The following PRKAR2B variants were observed in gnomAD, a reference collection of about 807,000 sequenced individuals.
PRKAR2B encodes cAMP-dependent protein kinase type II-beta regulatory subunit.
In PRKAR2B, 14 loss-of-function variants were observed where a neutral mutation model predicts 49.9. The observed-to-expected ratio is 0.28, with a 90% CI of 0.19 to 0.44. The LOEUF is 0.44. Ranked by LOEUF, PRKAR2B falls within the 20% of genes least tolerant of loss-of-function variation. PRKAR2B has a pLI of 1.00. For missense variants in PRKAR2B, 393 were observed against 537.9 expected, an observed-to-expected ratio of 0.73 and a Z score of 2.67; for synonymous variants, 196 against 197.7, an observed-to-expected ratio of 0.99 and a Z score of 0.07.
intron 2 of PRKAR2B, among the ~76,000 whole-genome samples, chr7:107,110,493 A>G (rs1562860236): frequency 1.3e-5 from 2 of 151,710 alleles, no homozygotes; most frequent in African/African-American, 4.8e-5. Context: ...TTGCAGCTCC[A>G]ATTGAGACCC....
At chr7:107,075,635 A>G (rs966735099) in intron 2 of PRKAR2B, among the ~76,000 whole-genome samples, 1 of 152,012 alleles carries the variant, frequency 6.6e-6, no homozygotes, top group East Asian at 1.9e-4. Flanking sequence ...CTCGAGCTCT[A>G]GGGATCCACC....
intron 2 of PRKAR2B, among the ~76,000 whole-genome samples, chr7:107,085,660 A>T (rs951014528): frequency 1.3e-5 from 2 of 152,138 alleles, no homozygotes; most frequent in Non-Finnish European, 2.9e-5. Context: ...GTTGAAATTA[A>T]ACTTATATCC....
chr7:107,110,092 C>T (rs1444176517), intron 2 of PRKAR2B, among the ~76,000 whole-genome samples: 1 of 152,184 alleles, frequency 6.6e-6, no homozygotes, highest in African/African-American at 2.4e-5. Context: ...GAGAGATAAT[C>T]CATGTGCTTG....
intron 2 of PRKAR2B, chr7:107,079,349 A>G (rs1373073169): frequency 2.6e-5 from 4 of 152,148 alleles, no homozygotes; most frequent in African/African-American, 9.7e-5. Context: ...GGCTTAGGTG[A>G]TACAACCGTG....
At chr7:107,054,415 T>C (rs149668457) in intron 1 of PRKAR2B, among the ~76,000 whole-genome samples, 28 of 152,296 alleles carry the variant, frequency 1.8e-4, no homozygotes, top group Non-Finnish European at 3.1e-4. Context: ...TAAATTGATA[T>C]AGCCAAATAT....
chr7:107,081,121 C>T (rs1794506819), intron 2 of PRKAR2B, among the ~76,000 whole-genome samples: 1 of 152,126 alleles, frequency 6.6e-6, no homozygotes. Flanking sequence ...TAACTTATCC[C>T]ACCTAATATT....
chr7:107,148,511 A>G (rs888770047), intron 6 of PRKAR2B, among the ~76,000 whole-genome samples: 29 of 152,224 alleles, frequency 1.9e-4, no homozygotes, highest in Non-Finnish European at 3.5e-4. Context: ...ATTAAATTTT[A>G]TAAAAATGGG....
At chr7:107,136,689 A>T (rs1251935398) in intron 4 of PRKAR2B, among the ~76,000 whole-genome samples, 1 of 152,192 alleles carries the variant, frequency 6.6e-6, no homozygotes, top group Non-Finnish European at 1.5e-5. Flanking sequence ...TGGTTCAACA[A>T]CTCATTGCTG....
Position 107,150,909 on chromosome 7 carries a change from G to C in PRKAR2B, c.742-13G>C, listed in dbSNP as rs751858692. The stretch of plus-strand genomic sequence containing the variant: ...CCCCCATAAAATTTACCCTTTAACT[G>C]TTCTGCCTGTAGGACAGGGTAACCT... On this transcript the variant is annotated splice_polypyrimidine_tract_variant and intron_variant, in intron 6 of 10. Transcript: ENST00000265717. 7 of 1,487,848 alleles carry C rather than the reference G, an allele frequency of 4.7e-6. No homozygotes were observed. In the Admixed American group the frequency reaches 5.6e-5, roughly 12 times the overall value. The allele number at this position is 1,487,848 out of a possible 1,614,324, so 92.2% of individuals were successfully genotyped here.
Position 107,157,291 on chromosome 7 carries a change from T to G in PRKAR2B, c.1090T>G (p.Ser364Ala). The part of the protein sequence containing the change: ...ALVTNKPRAA[S>A]AHAIGTVKCL... ...GGTAACTAACAAACCTCGAGCAGCT[T>G]CTGCCCACGCCATTGGGACTGTCAA... Residue 364 changes from serine to alanine, a missense_variant, in exon 10 of 11, where the codon TCT (serine) becomes GCT (alanine). Around this residue, in one of 2 missense-constraint regions of PRKAR2B, gnomAD observed 233 missense variants for 390.4 expected, o/e 0.60. Coordinates refer to ENST00000265717, the MANE Select transcript of PRKAR2B (RefSeq NM_002736.3). 3 of 1,614,206 alleles carry G rather than the reference T, an allele frequency of 1.9e-6. No homozygotes were observed. Among genetic ancestry groups the G allele is most frequent in the Non-Finnish European group, 2.5e-6 (3 of 1,180,020 alleles).
intron 2 of PRKAR2B, among the ~76,000 whole-genome samples, chr7:107,087,840 T>C (rs1444472985): frequency 6.6e-6 from 1 of 152,174 alleles, no homozygotes; most frequent in African/African-American, 2.4e-5. Context: ...TCTTCTTTTC[T>C]CACTCACCTA....
At chr7:107,127,353 C>CT (rs1419627270) in intron 3 of PRKAR2B, among the ~76,000 whole-genome samples, 2 of 152,242 alleles carry the variant, frequency 1.3e-5, no homozygotes, top group African/African-American at 4.8e-5. Context: ...CCTTGCCCCT[C>CT]TAACTCATTT....
In PRKAR2B at chr7:107,050,333, C is replaced by CTTTTTTTTTTTTTTTTTTTTTTTTTTTT. The variant is rs57752789; in HGVS notation, c.307+5121_307+5148dup. On this transcript the variant is annotated intron_variant, in intron 1 of 10. Coordinates refer to ENST00000265717, the MANE Select transcript of PRKAR2B (RefSeq NM_002736.3). Reference sequence around the variant, plus strand: ...TTATTTTAGATAAGACAGTTACCAGCTTTTTTTTTTTTTTTTTTTTTTTTT... The same window carrying CTTTTTTTTTTTTTTTTTTTTTTTTTTTT: ...TTATTTTAGATAAGACAGTTACCAGCTTTTTTTTTTTTTTTTTTTTTTTTTTTTTTTTTTTTTTTTTTTTTTTTTTTTT... Among the ~76,000 whole-genome samples the CTTTTTTTTTTTTTTTTTTTTTTTTTTTT allele has an allele frequency of 4.4e-5, 3 of 68,582 alleles. 1 individual carries two copies. The highest frequency in any genetic ancestry group is 2.2e-4 in the African/African-American group (3 of 13,940). 45.0% of individuals were successfully genotyped at this position (68,582 alleles called of 152,430 possible).
intron 1 of PRKAR2B, among the ~76,000 whole-genome samples, chr7:107,046,672 T>C (rs1397263654): frequency 6.6e-6 from 1 of 152,078 alleles, no homozygotes; most frequent in Non-Finnish European, 1.5e-5. Flanking sequence ...ATGTTTTAAA[T>C]AGGTAAGAAG....
intron 2 of PRKAR2B, among the ~76,000 whole-genome samples, chr7:107,103,382 C>A (rs116275336): frequency 3.4e-4 from 52 of 152,276 alleles, no homozygotes; most frequent in African/African-American, 1.3e-3. Flanking sequence ...TAGGCAAACC[C>A]CAGGGTTCTA....
At chr7:107,089,937 C>T (rs966024804) in intron 2 of PRKAR2B, among the ~76,000 whole-genome samples, 1 of 152,196 alleles carries the variant, frequency 6.6e-6, no homozygotes, top group Admixed American at 6.5e-5. Flanking sequence ...TGTCATCTTG[C>T]AAATACAACT....
At chr7:107,110,868 C>T (rs191374340) in intron 2 of PRKAR2B, among the ~76,000 whole-genome samples, 22 of 152,138 alleles carry the variant, frequency 1.4e-4, no homozygotes, top group Admixed American at 1.0e-3. Context: ...GGAGAGACTT[C>T]CTTTTGCTTG....
chr7:107,106,069 C>T (rs1455237196), intron 2 of PRKAR2B, among the ~76,000 whole-genome samples: 4 of 152,152 alleles, frequency 2.6e-5, no homozygotes, highest in Non-Finnish European at 5.9e-5. Context: ...AGGGATAGCT[C>T]ACCCTTTCGG....
intron 2 of PRKAR2B, 29 bp downstream of exon 2, chr7:107,070,345 T>G: frequency 6.4e-7 from 1 of 1,564,394 alleles, no homozygotes; most frequent in Non-Finnish European, 8.8e-7. Flanking sequence ...TGGATTTTGT[T>G]TATTAATGGT....
Sources: allele counts gnomAD v4.1 joint callset (sites outside exome capture counted in the v4.1 genomes callset), GRCh38; gene constraint gnomAD v4.1.1; regional missense constraint gnomAD v4.1.1; transcripts MANE v1.5; gene names NCBI Gene and HGNC (gene_info 2026-07-23, HGNC 2026-07-21).